Variants in PRH1 observed in about 807,000 individuals in gnomAD.
PRH1 encodes the protein salivary acidic proline-rich phosphoprotein 1/2.
A neutral mutation model predicts 7.9 loss-of-function variants in PRH1; 7 were observed. The observed-to-expected ratio is 0.89, with a 90% CI of 0.50 to 1.67. The LOEUF (loss-of-function observed/expected upper bound fraction) is 1.67, where lower values mean the gene tolerates loss of function less well. Ranked by LOEUF, PRH1 falls within the 40% of genes most tolerant of loss-of-function variation. The pLI is 0.00. For missense variants in PRH1, 109 were observed against 223.6 expected (o/e 0.49, Z 3.27); for synonymous variants, 45 against 80.8 (o/e 0.56, Z 2.38).
At chr12:10,936,436 T>C (rs965262637) in intron 2 of PRH1, among the ~76,000 whole-genome samples, 1 of 152,184 alleles carries the variant, frequency 6.6e-6, no homozygotes. Context: ...GTTGTACAGA[T>C]ATAAAGTGTA....
intron 1 of PRH1, among the ~76,000 whole-genome samples, chr12:11,167,651 T>A (rs1053813429): frequency 6.6e-6 from 1 of 152,098 alleles, no homozygotes; most frequent in Non-Finnish European, 1.5e-5. Context: ...TTTCACCATG[T>A]TAGCCAGGAT....
chr12:11,131,997 T>TA (rs1219355598), intron 1 of PRH1, among the ~76,000 whole-genome samples: 1 of 152,224 alleles, frequency 6.6e-6, no homozygotes, highest in African/African-American at 2.4e-5. Flanking sequence ...TTATGGTTCT[T>TA]ACATTGTACT....
At chr12:11,161,720 GA>G (rs1172297807) in intron 1 of PRH1, among the ~76,000 whole-genome samples, 2 of 150,946 alleles carry the variant, frequency 1.3e-5, no homozygotes, top group East Asian at 1.9e-4. Flanking sequence ...AAGTGAGACT[GA>G]AAAAAAAATT....
At chr12:11,093,543 T>A (rs1481127306) in intron 1 of PRH1, among the ~76,000 whole-genome samples, 2 of 115,748 alleles carry the variant, frequency 1.7e-5, no homozygotes, top group South Asian at 2.4e-4. Context: ...ATCAAACATA[T>A]CTCTAATTCT....
At chr12:10,973,943 G>A (rs573478638) in intron 1 of PRH1, among the ~76,000 whole-genome samples, 1 of 152,242 alleles carries the variant, frequency 6.6e-6, no homozygotes, top group South Asian at 2.1e-4. Flanking sequence ...CAAGTGACAA[G>A]AGCACCTAGA....
chr12:11,061,921 A>G (rs750836867), intron 1 of PRH1: 1 of 1,613,922 alleles, frequency 6.2e-7, no homozygotes, highest in Non-Finnish European at 8.5e-7. Context: ...AACACTCTTA[A>G]CTCTCCTCTT....
chr12:10,898,381 G>A (rs1175256575), intron 2 of PRH1, among the ~76,000 whole-genome samples: 1 of 152,078 alleles, frequency 6.6e-6, no homozygotes, highest in East Asian at 1.9e-4. Flanking sequence ...CTAAAAGAAA[G>A]GCTAATTGTG....
chr12:11,092,149 T>C, intron 1 of PRH1: 1 of 1,355,790 alleles, frequency 7.4e-7, no homozygotes, highest in South Asian at 1.1e-5. Flanking sequence ...TTACCAGTGC[T>C]ATGAAGCCAT....
In PRH1 at chr12:10,951,197, T is replaced by C. The variant is rs143190125; in HGVS notation, c.-59+22458A>G. ...TTTGGAAGTAAAAGCTGATTTCTCA[T>C]TTGCAAGCATGCAAATGAAGACATA... is the stretch of plus-strand genomic sequence containing the variant. On this transcript the variant is annotated intron_variant, in intron 2 of 3. Transcript: ENST00000539853. Among the ~76,000 whole-genome samples the C allele has an allele frequency of 4.6e-3, 700 of 152,326 alleles. 6 individuals carry two copies. Among genetic ancestry groups the C allele is most frequent in the African/African-American group, 0.016 (674 of 41,580 alleles).
intron 2 of PRH1, among the ~76,000 whole-genome samples, chr12:10,914,652 C>T (rs1949948020): frequency 6.6e-6 from 1 of 152,196 alleles, no homozygotes; most frequent in Admixed American, 6.5e-5. Context: ...TGGCCTTCTC[C>T]AGCTCCATTT....
chr12:10,894,137 T>C (rs1949613466), intron 2 of PRH1, among the ~76,000 whole-genome samples: 1 of 152,114 alleles, frequency 6.6e-6, no homozygotes, highest in South Asian at 2.1e-4. Flanking sequence ...ACCTGGTAAC[T>C]CTACACTAGA....
At chr12:11,034,268 T>A (rs1942345262) in intron 1 of PRH1, among the ~76,000 whole-genome samples, 1 of 30,224 alleles carries the variant, frequency 3.3e-5, no homozygotes, top group Non-Finnish European at 6.6e-5. Flanking sequence ...CCAACCTTAA[T>A]ATGTATTTGG....
intron 1 of PRH1, among the ~76,000 whole-genome samples, chr12:11,080,096 A>C (rs1274991366): frequency 7.9e-6 from 1 of 127,018 alleles, no homozygotes; most frequent in Non-Finnish European, 1.8e-5. Flanking sequence ...ACCTTTCTTC[A>C]TATCTCCTGT....
intron 2 of PRH1, chr12:10,938,285 G>C (rs982776314): frequency 6.2e-7 from 1 of 1,607,538 alleles, no homozygotes; most frequent in African/African-American, 1.3e-5. Flanking sequence ...TTTGTGACCT[G>C]AGGGCTCCCC....
At chr12:11,053,522 T>A (rs1437201138) in intron 1 of PRH1, among the ~76,000 whole-genome samples, 2 of 152,276 alleles carry the variant, frequency 1.3e-5, no homozygotes, top group African/African-American at 4.8e-5. Flanking sequence ...ACACTACACT[T>A]AACTTTCTAA....
intron 1 of PRH1, among the ~76,000 whole-genome samples, chr12:10,982,685 A>G (rs1939414491): frequency 6.6e-6 from 1 of 152,222 alleles, no homozygotes; most frequent in Non-Finnish European, 1.5e-5. Context: ...ATAAGCAGGA[A>G]GTGGCAAGTT....
At chr12:11,037,903 G>A (rs946671027) in intron 1 of PRH1, among the ~76,000 whole-genome samples, 30 of 152,306 alleles carry the variant, frequency 2.0e-4, no homozygotes, top group Admixed American at 8.5e-4. Flanking sequence ...TCAGCAGGGT[G>A]TGGTGGTGCA....
At chr12:11,091,128 A>ATATATATATATATATG (rs1944873709) in intron 1 of PRH1, among the ~76,000 whole-genome samples, 1 of 85,030 alleles carries the variant, frequency 1.2e-5, no homozygotes, top group African/African-American at 3.7e-5. Flanking sequence ...ATATATATAT[A>ATATATATATATATATG]TATATATATA....
chr12:11,062,597 C>T (rs1341284193), intron 1 of PRH1, among the ~76,000 whole-genome samples: 1 of 152,066 alleles, frequency 6.6e-6, no homozygotes, highest in Non-Finnish European at 1.5e-5. Context: ...GACATGAAAC[C>T]TGAATTCTCA....
Sources: allele counts gnomAD v4.1 joint callset (sites outside exome capture counted in the v4.1 genomes callset), GRCh38; gene constraint gnomAD v4.1.1; transcripts MANE v1.5; gene names NCBI Gene and HGNC (gene_info 2026-07-23, HGNC 2026-07-21).